MUC12: variants seen among roughly 807,000 people sequenced by gnomAD.
MUC12 encodes the protein mucin 12, cell surface associated, also known as mucin-12.
MUC12 carries 172 observed loss-of-function variants against 230.8 expected under a neutral mutation model. The ratio of observed to expected loss-of-function variants is 0.75; its 90% confidence interval spans 0.66 to 0.85. The LOEUF (loss-of-function observed/expected upper bound fraction) is 0.85. MUC12 is among the 40% of genes least tolerant of loss of function. The pLI, the probability that MUC12 is intolerant of heterozygous loss-of-function variation, is 0.00. For missense variants in MUC12, 3,506 were observed against 5,920.6 expected, an observed-to-expected ratio of 0.59 and a Z score of 13.38; for synonymous variants, 1,259 against 2,401.9, an observed-to-expected ratio of 0.52 and a Z score of 13.91.
At position 100,991,638 on chromosome 7, in the gene MUC12, A is replaced by G. The variant is rs1223536137; in HGVS notation, c.1075A>G (p.Thr359Ala). ...SATSGHVEES[T>A]AYHRSPGSTQ... The stretch of plus-strand genomic sequence containing the variant: ...GACCTCAGGCCATGTTGAAGAATCT[A>G]CAGCCTACCACAGGAGCCCGGGCTC... Residue 359 changes from threonine to alanine, a missense_variant, in exon 2 of 12, where the codon ACA (threonine) becomes GCA (alanine). Physicochemically the swap from Thr to Ala is moderately conservative, Grantham distance 58 (BLOSUM62 0). Transcript: ENST00000536621. 1 of 1,536,986 alleles carries G rather than the reference A, an allele frequency of 6.5e-7. No homozygotes were observed. The highest frequency in any genetic ancestry group is 2.0e-5 in the Admixed American group (1 of 50,988).
chr7:101,008,621 C>T lies in MUC12; in HGVS notation c.15059-13C>T. On this transcript the variant is annotated splice_polypyrimidine_tract_variant and intron_variant, in intron 3 of 11. Transcript: ENST00000536621. ...GGTCGCTGTCTCACGCATACCATGGCCTTTTCCCACAGAAACCCCGGAAAA... is the reference window on the plus strand; with the variant it reads ...GGTCGCTGTCTCACGCATACCATGGTCTTTTCCCACAGAAACCCCGGAAAA... 2.6e-6 allele frequency: 4 copies of T among 1,536,436 alleles called. No homozygotes were observed. The East Asian group carries it at 7.3e-5, about 28-fold the overall frequency.
chr7:100,980,764 C>G (rs1027025962), intron 1 of MUC12, among the ~76,000 whole-genome samples: 1 of 151,822 alleles, frequency 6.6e-6, no homozygotes, highest in Admixed American at 6.6e-5. Flanking sequence ...CTCTACAAAA[C>G]GTAAAAAATT....
chr7:100,971,181 C>A (rs866515817), intron 1 of MUC12, among the ~76,000 whole-genome samples: 11 of 104,200 alleles, frequency 1.1e-4, no homozygotes, highest in African/African-American at 9.6e-5. Flanking sequence ...AAGAAACAAA[C>A]AAAAAAAAAA....
intron 1 of MUC12, among the ~76,000 whole-genome samples, chr7:100,970,690 G>A (rs1368255595): frequency 1.3e-5 from 2 of 152,136 alleles, no homozygotes; most frequent in East Asian, 1.9e-4. Context: ...TAGCCAACAT[G>A]GTGAAACCCC....
chr7:101,005,642 G>C, intron 2 of MUC12, 123 bp downstream of exon 2: 1 of 1,246,012 alleles, frequency 8.0e-7, no homozygotes, highest in South Asian at 1.6e-5. Flanking sequence ...TGGGTCTACC[G>C]ATTATCCAGT....
At chr7:100,970,287 G>A (rs1412171259) in intron 1 of MUC12, among the ~76,000 whole-genome samples, 1 of 152,202 alleles carries the variant, frequency 6.6e-6, no homozygotes, top group Non-Finnish European at 1.5e-5. Flanking sequence ...GGGAGTTCAA[G>A]TCCAGCCTGG....
chr7:100,989,732 C>G (rs1390151886), intron 1 of MUC12, among the ~76,000 whole-genome samples: 1 of 151,912 alleles, frequency 6.6e-6, no homozygotes, highest in Admixed American at 6.6e-5. Context: ...CACTCTTTCA[C>G]CAGGCTGGAG....
At chr7:101,008,612 A>G (rs1192205157) in intron 3 of MUC12, 22 bp from the exon 4 acceptor site, 3 of 1,535,670 alleles carry the variant, frequency 2.0e-6, no homozygotes, top group Non-Finnish European at 1.7e-6. Flanking sequence ...TGTCTCACGC[A>G]TACCATGGCC....
At position 101,004,404 on chromosome 7, in the gene MUC12, C is replaced by G. The variant is rs1433171384; in HGVS notation, c.13841C>G (p.Thr4614Arg). The change falls in exon 2 of 12, where the codon ACA becomes AGA. Residue 4614 changes from threonine (T) to arginine (R), a missense_variant. Physicochemically the swap from Thr to Arg is moderately conservative, Grantham distance 71. Transcript: ENST00000536621. ...CACAGCAGCCCGGGCTCAACTCAAA[C>G]AATGCACTTCCCTGAAAGCTCCACA... ...AYHSSPGSTQTMHFPESSTAS... is the reference protein window; with the variant it reads ...AYHSSPGSTQRMHFPESSTAS... The G allele has an allele frequency of 1.0e-5, 15 of 1,505,134 alleles. No homozygotes were observed. Among genetic ancestry groups the G allele is most frequent in the South Asian group, 1.2e-5 (1 of 82,268 alleles). 93.2% of individuals were successfully genotyped at this position (1,505,134 alleles called of 1,614,324 possible).
At chr7:100,975,689 A>G (rs1793018397) in intron 1 of MUC12, among the ~76,000 whole-genome samples, 1 of 106,914 alleles carries the variant, frequency 9.4e-6, no homozygotes, top group South Asian at 3.1e-4. Context: ...ACCTGGGCTG[A>G]TGAGGGTACA....
chr7:100,995,983 CAAT>C lies in MUC12; in HGVS notation c.5422_5424del (p.Ile1808del). The C allele has an allele frequency of 1.3e-6, 1 of 797,368 alleles. No homozygotes were observed. The highest frequency in any genetic ancestry group is 1.8e-6 in the Non-Finnish European group (1 of 542,636). The allele number at this position is 797,368 out of a possible 1,614,324, so 49.4% of individuals were successfully genotyped here. A position where few individuals can be genotyped will look rare whatever the true frequency, so the allele number is the denominator to read the frequency against. ...ACTTCCCACAGCAGCACAACACACA[CAAT>C]ATCTTCACCTCCTAGCACCACATCT... On this transcript the variant is annotated inframe_deletion, in exon 2 of 12. Coordinates refer to ENST00000536621, the MANE Select transcript of MUC12 (RefSeq NM_001164462.2).
At chr7:101,016,447 A>G (rs769733438) in intron 10 of MUC12, among the ~76,000 whole-genome samples, 1 of 152,098 alleles carries the variant, frequency 6.6e-6, no homozygotes, top group Non-Finnish European at 1.5e-5. Context: ...AGCTGTGATT[A>G]CAGGCATGCC....
intron 1 of MUC12, 105 bp downstream of exon 1, chr7:100,969,794 A>C (rs1417041317): frequency 3.4e-6 from 5 of 1,473,442 alleles, no homozygotes; most frequent in Non-Finnish European, 2.7e-6. Context: ...TCCCCTTTGC[A>C]TGGCAAGGGG....
At position 100,990,733 on chromosome 7, in the gene MUC12, C is replaced by T. The variant is rs1793267926; in HGVS notation, c.170C>T (p.Thr57Ile). The change falls in exon 2 of 12, where the codon ACA (threonine) becomes ATA (isoleucine). Residue 57 changes from threonine to isoleucine, a missense_variant. Physicochemically the swap from Thr to Ile is moderately conservative, Grantham distance 89 (BLOSUM62 -1). Coordinates refer to ENST00000536621, the MANE Select transcript of MUC12 (RefSeq NM_001164462.2). ...TTFSDYGVSVTFITGSTATKH... is the reference protein window; with the variant it reads ...TTFSDYGVSVIFITGSTATKH... The stretch of plus-strand genomic sequence containing the variant: ...TTTAGTGACTATGGGGTGTCAGTCA[C>T]ATTTATCACGGGCTCAACTGCAACA... 1 of 1,537,904 alleles carries T rather than the reference C, an allele frequency of 6.5e-7. No individual in the cohort carries two copies. Among genetic ancestry groups the T allele is most frequent in the Non-Finnish European group, 8.7e-7 (1 of 1,147,056 alleles).
At chr7:101,006,791 A>G (rs1461419563) in intron 3 of MUC12, among the ~76,000 whole-genome samples, 1 of 151,716 alleles carries the variant, frequency 6.6e-6, no homozygotes, top group Non-Finnish European at 1.5e-5. Context: ...TTTAATTTTT[A>G]ATTTTTAGGG....
rs1793280071 is a variant in MUC12 at position 100,991,000 on chromosome 7, C to T, written c.437C>T (p.Ser146Leu). The stretch of plus-strand genomic sequence containing the variant: ...ACCACCTTCTACAGTAGCCCCAGAT[C>T]ACCAGACAGAACACTCTCACCTGCC... ...KSTTFYSSPR[S>L]PDRTLSPART... Residue 146 changes from serine (S) to leucine (L), a missense_variant, in exon 2 of 12, where the codon TCA (serine) becomes TTA (leucine). Transcript: ENST00000536621. The T allele has an allele frequency of 6.5e-7, 1 of 1,537,794 alleles. No individual in the cohort carries two copies. The highest frequency in any genetic ancestry group is 8.7e-7 in the Non-Finnish European group (1 of 1,147,074).
chr7:101,008,952 A>G (rs1793799514), intron 4 of MUC12, 143 bp from the exon 5 acceptor site: 2 of 1,237,558 alleles, frequency 1.6e-6, no homozygotes, highest in Non-Finnish European at 2.2e-6. Context: ...ATTATGGCAG[A>G]GGGAGCTTCC....
chr7:100,969,837 T>A, intron 1 of MUC12, 148 bp downstream of exon 1: 2 of 1,196,648 alleles, frequency 1.7e-6, no homozygotes, highest in Non-Finnish European at 2.3e-6. Flanking sequence ...TGCTGTGACC[T>A]CATCTTGCTT....
At chr7:101,013,861 AT>A (rs1350697072) in intron 8 of MUC12, 51 bp from the exon 9 acceptor site, 36 of 1,491,050 alleles carry the variant, frequency 2.4e-5, no homozygotes, top group Non-Finnish European at 3.1e-5. Flanking sequence ...CCCTTGGGAT[AT>A]TGGATGTGAG....
Sources: gnomAD v4.1 joint callset for allele counts (sites outside exome capture counted in the v4.1 genomes callset) on GRCh38, gnomAD v4.1.1 for gene constraint, MANE v1.5 for transcripts, NCBI Gene and HGNC (gene_info 2026-07-23, HGNC 2026-07-21) for gene names.